Variants in NELL1 observed in about 807,000 individuals in gnomAD.
NELL1 encodes the protein neural EGFL like 1.
In NELL1, 76 loss-of-function variants were observed where a neutral mutation model predicts 107.4. That is an observed-to-expected ratio of 0.71 (90% CI 0.59 to 0.86). The LOEUF is 0.86. Ranked by LOEUF, NELL1 falls within the 40% of genes least tolerant of loss-of-function variation. The pLI is 0.00. For synonymous variants in NELL1, 353 were observed against 341.2 expected (o/e 1.03, Z -0.38); for missense variants, 1,024 against 1,005.5 (o/e 1.02, Z -0.25).
chr11:21,138,894 T>C lies in NELL1; in HGVS notation c.1426+25180T>C, dbSNP rs181004261. Among the ~76,000 whole-genome samples, 6 of 152,298 alleles carry C rather than the reference T, an allele frequency of 3.9e-5. No homozygotes were observed. In the East Asian group the frequency reaches 7.7e-4, roughly 20 times the overall value. On this transcript the variant is annotated intron_variant, in intron 13 of 19. Transcript: ENST00000357134. ...CTTGTGCCAAAGCTCTGGATTACAATGGATCTAGCATCCAGCTCGTCATAG... is the reference window on the plus strand; with the variant it reads ...CTTGTGCCAAAGCTCTGGATTACAACGGATCTAGCATCCAGCTCGTCATAG...
chr11:21,118,766 A>G (rs570287703), intron 13 of NELL1, among the ~76,000 whole-genome samples: 1 of 152,134 alleles, frequency 6.6e-6, no homozygotes, highest in Non-Finnish European at 1.5e-5. Flanking sequence ...AGCTGGTTTT[A>G]TAACCATGTC....
chr11:21,331,992 C>T (rs532810651), intron 14 of NELL1, among the ~76,000 whole-genome samples: 7 of 152,000 alleles, frequency 4.6e-5, no homozygotes, highest in African/African-American at 9.6e-5. Context: ...AAGTTTGGTT[C>T]GTGTCAGTCT....
At chr11:21,389,089 G>A (rs1851811781) in intron 15 of NELL1, among the ~76,000 whole-genome samples, 1 of 151,720 alleles carries the variant, frequency 6.6e-6, no homozygotes, top group Admixed American at 6.6e-5. Context: ...ATACTCTTCA[G>A]TCTATCAATA....
At chr11:20,745,035 A>T (rs895347369) in intron 2 of NELL1, among the ~76,000 whole-genome samples, 5 of 152,002 alleles carry the variant, frequency 3.3e-5, no homozygotes, top group Admixed American at 1.3e-4. Context: ...ACATTACCCT[A>T]TTTTATCTTT....
intron 15 of NELL1, among the ~76,000 whole-genome samples, chr11:21,478,394 T>C (rs1384504260): frequency 6.6e-6 from 1 of 152,164 alleles, no homozygotes; most frequent in Non-Finnish European, 1.5e-5. Flanking sequence ...AAACCAATCA[T>C]GCCTTCTCAA....
intron 3 of NELL1, among the ~76,000 whole-genome samples, chr11:20,818,275 C>T (rs957357006): frequency 3.3e-5 from 5 of 152,030 alleles, no homozygotes; most frequent in African/African-American, 1.2e-4. Context: ...TTTTTGGGTG[C>T]ATATCTATTT....
At chr11:20,695,134 C>G (rs1366155329) in intron 2 of NELL1, among the ~76,000 whole-genome samples, 1 of 152,102 alleles carries the variant, frequency 6.6e-6, no homozygotes, top group Non-Finnish European at 1.5e-5. Context: ...GATTTTTATA[C>G]ATTGATTTTC....
At chr11:21,573,009 G>A (rs1857138493) in intron 18 of NELL1, among the ~76,000 whole-genome samples, 176 bp from the exon 19 acceptor site, 1 of 151,852 alleles carries the variant, frequency 6.6e-6, no homozygotes, top group African/African-American at 2.4e-5. Flanking sequence ...AAAGCATTCT[G>A]AAAGAAGTGA....
intron 2 of NELL1, among the ~76,000 whole-genome samples, chr11:20,715,875 A>G (rs563197367): frequency 1.3e-5 from 2 of 152,324 alleles, no homozygotes; most frequent in Non-Finnish European, 2.9e-5. Flanking sequence ...TGGATATTTG[A>G]CATGGGCTTT....
intron 2 of NELL1, among the ~76,000 whole-genome samples, chr11:20,760,906 G>A (rs327034): frequency 0.88 from 133,838 of 152,182 alleles, 58,996 homozygotes; most frequent in East Asian, 0.95. Flanking sequence ...ATCGGGTCTG[G>A]TGGAAGGAAA....
At chr11:20,942,761 A>G (rs561160223) in intron 10 of NELL1, among the ~76,000 whole-genome samples, 1 of 152,326 alleles carries the variant, frequency 6.6e-6, no homozygotes, top group Non-Finnish European at 1.5e-5. Flanking sequence ...CTTTGACTTC[A>G]GGGAAAGCTG....
chr11:21,231,622 G>T (rs1007375858), intron 14 of NELL1, among the ~76,000 whole-genome samples: 9 of 152,052 alleles, frequency 5.9e-5, no homozygotes, highest in African/African-American at 1.9e-4. Context: ...AATTGCCCTT[G>T]TCCAGTGAGT....
intron 15 of NELL1, among the ~76,000 whole-genome samples, chr11:21,453,361 C>G (rs1853636258): frequency 6.6e-6 from 1 of 152,064 alleles, no homozygotes; most frequent in Non-Finnish European, 1.5e-5. Context: ...ATCTAATACC[C>G]ATTCCTATTC....
At chr11:21,124,715 C>T (rs1373745092) in intron 13 of NELL1, among the ~76,000 whole-genome samples, 1 of 151,858 alleles carries the variant, frequency 6.6e-6, no homozygotes, top group Non-Finnish European at 1.5e-5. Context: ...GATTCTCCTG[C>T]CTCAGCCTCC....
At chr11:20,782,837 T>C (rs1564907122) in intron 2 of NELL1, among the ~76,000 whole-genome samples, 1 of 152,150 alleles carries the variant, frequency 6.6e-6, no homozygotes, top group African/African-American at 2.4e-5. Flanking sequence ...TGTAAAATAA[T>C]GAGATAACAC....
intron 5 of NELL1, among the ~76,000 whole-genome samples, chr11:20,910,777 C>A (rs1292183991): frequency 6.6e-6 from 1 of 152,222 alleles, no homozygotes; most frequent in Non-Finnish European, 1.5e-5. Context: ...AGGTACATAA[C>A]TGGCAGACAA....
chr11:21,223,969 A>G (rs1382607577), intron 13 of NELL1, among the ~76,000 whole-genome samples: 3 of 152,054 alleles, frequency 2.0e-5, no homozygotes, highest in Non-Finnish European at 4.4e-5. Context: ...TTTTTCTTTC[A>G]TCACTTTAAA....
chr11:20,814,002 TA>T (rs1394601852), intron 3 of NELL1, among the ~76,000 whole-genome samples: 1 of 151,862 alleles, frequency 6.6e-6, no homozygotes, highest in African/African-American at 2.4e-5. Context: ...TTTATTTATT[TA>T]TTTTTTTGTA....
Position 20,918,205 on chromosome 11 carries a change from C to T in NELL1, c.627C>T (p.Ile209=), listed in dbSNP as rs1263454641. 1.2e-6 allele frequency: 2 copies of T among 1,600,182 alleles called. No individual in the cohort carries two copies. Among genetic ancestry groups the T allele is most frequent in the Admixed American group, 1.7e-5 (1 of 59,798 alleles). The change falls in exon 6 of 20, where the codon ATC becomes ATT. Residue 209 remains isoleucine (I), a synonymous_variant. Coordinates refer to ENST00000357134, the MANE Select transcript of NELL1 (RefSeq NM_006157.5). ...AGGGGATCATCCAAGATGGGAAGAT[C>T]ATCTTTATGCCGAATGGATATATAA... ...LFKGIIQDGK[I]IFMPNGYITQ...
Sources: gnomAD v4.1 joint callset for allele counts (sites outside exome capture counted in the v4.1 genomes callset) on GRCh38, gnomAD v4.1.1 for gene constraint, MANE v1.5 for transcripts, NCBI Gene and HGNC (gene_info 2026-07-23, HGNC 2026-07-21) for gene names.